The following GABRG3 variants were observed in gnomAD, a reference collection of about 807,000 sequenced individuals.
GABRG3 encodes the protein gamma-aminobutyric acid type A receptor subunit gamma3, also known as gamma-aminobutyric acid receptor subunit gamma-3.
GABRG3 carries 25 observed loss-of-function variants against 48.8 expected under a neutral mutation model. The observed-to-expected ratio is 0.51, with a 90% CI of 0.37 to 0.72. The LOEUF (loss-of-function observed/expected upper bound fraction) is 0.72, where lower values mean the gene tolerates loss of function less well. Among genes scored for constraint, GABRG3 ranks in the 30% least tolerant of loss-of-function variants. The pLI is 0.00. For synonymous variants in GABRG3, 227 were observed against 217.6 expected, an observed-to-expected ratio of 1.04 and a Z score of -0.38; for missense variants, 394 against 577.9, an observed-to-expected ratio of 0.68 and a Z score of 3.26.
intron 3 of GABRG3, among the ~76,000 whole-genome samples, chr15:27,195,351 G>T (rs1459200769): frequency 1.3e-5 from 2 of 151,920 alleles, no homozygotes; most frequent in Non-Finnish European, 2.9e-5. Context: ...CTCTCTGTCT[G>T]TCCATCTGTC....
At chr15:27,400,555 A>C (rs1285643073) in intron 5 of GABRG3, among the ~76,000 whole-genome samples, 2 of 152,254 alleles carry the variant, frequency 1.3e-5, no homozygotes, top group African/African-American at 2.4e-5. Context: ...AATGATATTT[A>C]AGAAAGCACT....
intron 2 of GABRG3, among the ~76,000 whole-genome samples, chr15:26,982,608 A>G (rs1261586587): frequency 3.3e-5 from 5 of 152,236 alleles, no homozygotes. Context: ...TCACAATTCT[A>G]GAGATTTTTC....
rs1660081186 is a variant in GABRG3, at chr15:27,179,723, T to C, written c.271-147086T>C. ...ATTCTCTATTTGTTGCCATCTGTTC[T>C]GTGTCTTTTCATGGTGTGAATTTTG... On this transcript the variant is annotated intron_variant, in intron 3 of 9. Coordinates refer to ENST00000615808, the MANE Select transcript of GABRG3 (RefSeq NM_033223.5). This position sits in a 1 kb window ranked among gnomAD's most constrained non-coding sequence, Gnocchi z 4.0. Among the ~76,000 whole-genome samples, 1 of 152,226 alleles carries C rather than the reference T, an allele frequency of 6.6e-6. No homozygotes were observed. The highest frequency in any genetic ancestry group is 2.4e-5 in the African/African-American group (1 of 41,450).
At chr15:27,359,003 A>G (rs1035303066) in intron 5 of GABRG3, among the ~76,000 whole-genome samples, 11 of 152,350 alleles carry the variant, frequency 7.2e-5, no homozygotes, top group African/African-American at 2.4e-4. Context: ...GCTCAGCGCA[A>G]GAGCCGCAGT....
chr15:27,149,384 C>A (rs1566947696), intron 3 of GABRG3, among the ~76,000 whole-genome samples: 1 of 152,122 alleles, frequency 6.6e-6, no homozygotes, highest in East Asian at 1.9e-4. Context: ...GATTGGAAGA[C>A]TTAACATTGT....
chr15:27,254,841 G>A (rs1016298843), intron 3 of GABRG3, among the ~76,000 whole-genome samples: 4 of 151,960 alleles, frequency 2.6e-5, no homozygotes, highest in African/African-American at 2.4e-5. Flanking sequence ...AAGTCAGGGA[G>A]CAGGGAGACA....
intron 5 of GABRG3, among the ~76,000 whole-genome samples, chr15:27,380,914 T>C (rs373249895): frequency 1.3e-4 from 19 of 151,984 alleles, no homozygotes; most frequent in Admixed American, 2.6e-4. Context: ...TACAGGCGCC[T>C]GCCACCATGC....
intron 3 of GABRG3, 92 bp from the exon 4 acceptor site, chr15:27,326,717 C>A: frequency 9.8e-7 from 1 of 1,021,190 alleles, no homozygotes. Flanking sequence ...AGGATGTCAA[C>A]ATGGAGAGAA....
intron 3 of GABRG3, among the ~76,000 whole-genome samples, chr15:27,177,029 A>G (rs1887768388): frequency 6.6e-6 from 1 of 152,164 alleles, no homozygotes; most frequent in Admixed American, 6.5e-5. Context: ...GGAGGACAAG[A>G]GATATTTTTA....
At chr15:27,418,841 T>C (rs1004616342) in intron 5 of GABRG3, 4 of 152,126 alleles carry the variant, frequency 2.6e-5, no homozygotes, top group South Asian at 2.1e-4. Context: ...TATGCCTTTT[T>C]AAAAAAAATA....
At chr15:27,316,039 T>G (rs189410492) in intron 3 of GABRG3, among the ~76,000 whole-genome samples, 24 of 152,292 alleles carry the variant, frequency 1.6e-4, no homozygotes, top group Admixed American at 1.5e-3. Context: ...CTTGTAAATT[T>G]CATTTCCTTA....
chr15:27,059,631 A>G (rs1046446736), intron 3 of GABRG3, among the ~76,000 whole-genome samples: 2 of 152,194 alleles, frequency 1.3e-5, no homozygotes, highest in East Asian at 1.9e-4. Flanking sequence ...TTGCATTTCT[A>G]TGTTAGATGT....
At chr15:27,213,458 C>G (rs1889136756) in intron 3 of GABRG3, among the ~76,000 whole-genome samples, 1 of 152,210 alleles carries the variant, frequency 6.6e-6, no homozygotes, top group Non-Finnish European at 1.5e-5. Flanking sequence ...AAAGAGTGGA[C>G]TGGTCATTTC....
intron 3 of GABRG3, among the ~76,000 whole-genome samples, chr15:27,225,302 G>A (rs559796101): frequency 3.9e-5 from 6 of 152,052 alleles, no homozygotes; most frequent in African/African-American, 9.7e-5. Context: ...CCCAGACACC[G>A]CCCTGCAGGT....
chr15:27,326,710 A>G (rs1893626558), intron 3 of GABRG3, 99 bp from the exon 4 acceptor site: 1 of 904,830 alleles, frequency 1.1e-6, no homozygotes, highest in South Asian at 1.5e-5. Flanking sequence ...GGAGGTGAGG[A>G]TGTCAACATG....
chr15:27,334,440 C>T (rs1475660564), intron 5 of GABRG3, among the ~76,000 whole-genome samples: 1 of 152,084 alleles, frequency 6.6e-6, no homozygotes, highest in Non-Finnish European at 1.5e-5. Context: ...AAATTATGTA[C>T]TAGATTAAAA....
intron 3 of GABRG3, among the ~76,000 whole-genome samples, chr15:27,122,358 C>G (rs1897745715): frequency 6.6e-6 from 1 of 152,196 alleles, no homozygotes; most frequent in African/African-American, 2.4e-5. Flanking sequence ...ATGGGATTAT[C>G]AGACCAACCC....
intron 2 of GABRG3, among the ~76,000 whole-genome samples, chr15:26,983,882 C>T (rs949095972): frequency 9.2e-5 from 14 of 152,184 alleles, no homozygotes; most frequent in Admixed American, 2.0e-4. Context: ...CTGTGAATCA[C>T]GTGCCGGGTA....
chr15:27,121,828 A>G (rs1047603566), intron 3 of GABRG3, among the ~76,000 whole-genome samples: 3 of 152,188 alleles, frequency 2.0e-5, no homozygotes, highest in African/African-American at 7.2e-5. Context: ...ATGGAACTGG[A>G]GATCATTATG....
Sources: allele counts gnomAD v4.1 joint callset (sites outside exome capture counted in the v4.1 genomes callset), GRCh38; gene constraint gnomAD v4.1.1; non-coding constraint Gnocchi (gnomAD v3.1); transcripts MANE v1.5; gene names NCBI Gene and HGNC (gene_info 2026-07-23, HGNC 2026-07-21).